The following C3orf18 variants were observed in gnomAD, a reference collection of about 807,000 sequenced individuals.
C3orf18 encodes uncharacterized protein C3orf18.
C3orf18 carries 12 observed loss-of-function variants against 14.1 expected under a neutral mutation model. The ratio of observed to expected loss-of-function variants is 0.85; its 90% CI spans 0.55 to 1.38. The LOEUF (loss-of-function observed/expected upper bound fraction) is 1.38. Ranked by LOEUF, C3orf18 falls within the 40% of genes most tolerant of loss-of-function variation. C3orf18 has a pLI of 0.00. For synonymous variants in C3orf18, 82 were observed against 87.9 expected, an observed-to-expected ratio of 0.93 and a Z score of 0.38; for missense variants, 196 against 213.9, an observed-to-expected ratio of 0.92 and a Z score of 0.52.
At chr3:50,561,176 G>C in intron 4 of C3orf18, 112 bp from the exon 5 acceptor site, 1 of 1,189,188 alleles carries the variant, frequency 8.4e-7, no homozygotes, top group South Asian at 1.5e-5. Context: ...CATGCTTAGG[G>C]CCTTAAGGTT....
Position 50,565,441 on chromosome 3 carries a change from T to C in C3orf18, c.234+25A>G, listed in dbSNP as rs1700232522. 1 of 1,529,918 alleles carries C rather than the reference T, an allele frequency of 6.5e-7. No homozygotes were observed. Among genetic ancestry groups the C allele is most frequent in the Non-Finnish European group, 9.0e-7 (1 of 1,105,310 alleles). 94.8% of individuals were successfully genotyped at this position (1,529,918 alleles called of 1,614,324 possible). A position where few individuals can be genotyped will look rare whatever the true frequency, so the allele number is the denominator to read the frequency against. On this transcript the variant is annotated intron_variant, in intron 3 of 5. Transcript: ENST00000357203. This position sits in a 1 kb window ranked among gnomAD's most constrained non-coding sequence, Gnocchi z 4.4. ...CTATAAATCTAAACACTGATTATCC[T>C]CCCCCAGCCTACCCCAGCTCTCACC... is the stretch of plus-strand genomic sequence containing the variant.
At position 50,559,308 on chromosome 3, in the gene C3orf18, G is replaced by A. The variant is rs753609708; in HGVS notation, c.*349C>T. 1.3e-4 allele frequency: 162 copies of A among 1,247,912 alleles called. No homozygotes were observed. Among genetic ancestry groups the A allele is most frequent in the Non-Finnish European group, 1.5e-4 (150 of 978,048 alleles). 77.3% of individuals were successfully genotyped at this position (1,247,912 alleles called of 1,614,324 possible). A position where few individuals can be genotyped will look rare whatever the true frequency, so the allele number is the denominator to read the frequency against. The stretch of plus-strand genomic sequence containing the variant: ...TTCCTCCCCCAATCCCTCCCACTCC[G>A]TATCTCCCTCATTTCCTCCACATTA... On this transcript the variant is annotated 3_prime_UTR_variant, in exon 6 of 6. Coordinates refer to ENST00000357203, the MANE Select transcript of C3orf18 (RefSeq NM_016210.5).
upstream of C3orf18, chr3:50,571,830 A>G (rs771812173): frequency 6.3e-7 from 1 of 1,590,010 alleles, no homozygotes; most frequent in South Asian, 1.1e-5. Context: ...GACCTGAAGG[A>G]TGTGTTCAGG....
chr3:50,572,272 C>A, upstream of C3orf18: 1 of 1,561,168 alleles, frequency 6.4e-7, no homozygotes, highest in South Asian at 1.2e-5. Context: ...ACCAGTCTTA[C>A]CCCAGGCTTC....
Position 50,559,260 on chromosome 3 carries a change from C to T in C3orf18, c.*397G>A, listed in dbSNP as rs1314505796. 1 of 1,256,314 alleles carries T rather than the reference C, an allele frequency of 8.0e-7. No individual in the cohort carries two copies. Among genetic ancestry groups the T allele is most frequent in the Admixed American group, 2.7e-5 (1 of 37,102 alleles). The allele number at this position is 1,256,314 out of a possible 1,614,324, so 77.8% of individuals were successfully genotyped here. Reference sequence around the variant, plus strand: ...CCAGATTCCAAAAAACAGGTCTCTCCCTAACAGAGGGAAACCTCCCCTTTC... The same window carrying T: ...CCAGATTCCAAAAAACAGGTCTCTCTCTAACAGAGGGAAACCTCCCCTTTC... On this transcript the variant is annotated 3_prime_UTR_variant, in exon 6 of 6. Transcript: ENST00000357203.
chr3:50,573,520 T>C (rs1382566271), upstream of C3orf18, among the ~76,000 whole-genome samples: 2 of 152,222 alleles, frequency 1.3e-5, no homozygotes, highest in Non-Finnish European at 2.9e-5. Context: ...AAGTGTGGAC[T>C]TTGGCTCCCA....
At chr3:50,574,392 T>TA (rs1264726779), upstream of C3orf18, among the ~76,000 whole-genome samples, 5 of 152,174 alleles carry the variant, frequency 3.3e-5, no homozygotes, top group Non-Finnish European at 7.4e-5. Flanking sequence ...TCTGGAGTGT[T>TA]ATGGCAAACA....
chr3:50,568,285 G>A (rs534036838), upstream of C3orf18, among the ~76,000 whole-genome samples: 4 of 152,098 alleles, frequency 2.6e-5, no homozygotes, highest in African/African-American at 9.7e-5. Context: ...TTCCATCCAC[G>A]GCATGATCAG....
At chr3:50,566,235 C>T (rs546914104) in intron 1 of C3orf18, 141 bp from the exon 2 acceptor site, 1 of 152,228 alleles carries the variant, frequency 6.6e-6, no homozygotes, top group Admixed American at 6.5e-5. Flanking sequence ...CATCCCTCAT[C>T]CTGCTTGGGG....
intron 1 of C3orf18, among the ~76,000 whole-genome samples, chr3:50,566,376 T>G (rs904839922): frequency 6.6e-6 from 1 of 152,202 alleles, no homozygotes; most frequent in African/African-American, 2.4e-5. Flanking sequence ...TCTCTGTGTC[T>G]CCGTTTTCCT....
chr3:50,568,024 G>T (rs1700472865), upstream of C3orf18, among the ~76,000 whole-genome samples: 1 of 152,264 alleles, frequency 6.6e-6, no homozygotes, highest in Non-Finnish European at 1.5e-5. Flanking sequence ...AACGCGGATG[G>T]ATGTACAGAG....
At chr3:50,571,669 G>A, upstream of C3orf18, 1 of 1,580,818 alleles carries the variant, frequency 6.3e-7, no homozygotes, top group Non-Finnish European at 8.7e-7. Flanking sequence ...TGGGGGCCTT[G>A]GGCCCAGTGA....
chr3:50,559,704 G>A lies in C3orf18; in HGVS notation c.442C>T (p.Pro148Ser). The change falls in exon 6 of 6, where the codon CCC becomes TCC. Residue 148 changes from proline (P) to serine (S), a missense_variant. Physicochemically the swap from Pro to Ser is moderately conservative, Grantham distance 74. Coordinates refer to ENST00000357203, the MANE Select transcript of C3orf18 (RefSeq NM_016210.5). ...ACATCGGTAAACACCAGCCGGCTGGGTCTCTGCAGTGGGCCCTGGGAGGGC... is the reference window on the plus strand; with the variant it reads ...ACATCGGTAAACACCAGCCGGCTGGATCTCTGCAGTGGGCCCTGGGAGGGC... ...TLPSQGPLQR[P>S]SRLVFTDVAN... The A allele has an allele frequency of 1.3e-6, 2 of 1,596,390 alleles. No individual in the cohort carries two copies. Among genetic ancestry groups the A allele is most frequent in the South Asian group, 2.3e-5 (2 of 87,790 alleles).
chr3:50,558,839 T>C lies in C3orf18; in HGVS notation c.*818A>G. Reference sequence around the variant, plus strand: ...TACATACCATGGGGTAGAGGTCGACTTGGAGGGTGGGGCCAGTGTGGACAA... The same window carrying C: ...TACATACCATGGGGTAGAGGTCGACCTGGAGGGTGGGGCCAGTGTGGACAA... On this transcript the variant is annotated 3_prime_UTR_variant, in exon 6 of 6. Coordinates refer to ENST00000357203, the MANE Select transcript of C3orf18 (RefSeq NM_016210.5). The C allele has an allele frequency of 7.8e-7, 1 of 1,289,830 alleles. No individual in the cohort carries two copies. Among genetic ancestry groups the C allele is most frequent in the East Asian group, 5.6e-5 (1 of 18,014 alleles). The allele number at this position is 1,289,830 out of a possible 1,614,324, so 79.9% of individuals were successfully genotyped here.
chr3:50,572,060 G>A (rs752525329), upstream of C3orf18: 7 of 1,609,272 alleles, frequency 4.3e-6, no homozygotes, highest in Non-Finnish European at 5.9e-6. Flanking sequence ...ACCCAGGCAT[G>A]GTCCTGTTGG....
At position 50,559,292 on chromosome 3, in the gene C3orf18, C is replaced by G. The variant is rs529051315; in HGVS notation, c.*365G>C. 5 of 1,246,908 alleles carry G rather than the reference C, an allele frequency of 4.0e-6. No homozygotes were observed. The highest frequency in any genetic ancestry group is 5.1e-6 in the Non-Finnish European group (5 of 974,876). 77.2% of individuals were successfully genotyped at this position (1,246,908 alleles called of 1,614,324 possible). ...GAGGGAAACCTCCCCTTTCCTCCCCCAATCCCTCCCACTCCGTATCTCCCT... is the reference window on the plus strand; with the variant it reads ...GAGGGAAACCTCCCCTTTCCTCCCCGAATCCCTCCCACTCCGTATCTCCCT... On this transcript the variant is annotated 3_prime_UTR_variant, in exon 6 of 6. Coordinates refer to ENST00000357203, the MANE Select transcript of C3orf18 (RefSeq NM_016210.5).
At chr3:50,563,667 G>A (rs916780382) in intron 3 of C3orf18, among the ~76,000 whole-genome samples, 2 of 152,130 alleles carry the variant, frequency 1.3e-5, no homozygotes, top group African/African-American at 2.4e-5. Context: ...GCATCGGGGA[G>A]AGGAAGCAGC....
At chr3:50,571,192 CA>C, upstream of C3orf18, 3 of 1,613,774 alleles carry the variant, frequency 1.9e-6, no homozygotes, top group South Asian at 3.3e-5. Context: ...CAGCTCATGG[CA>C]ACCCCAACCA....
intron 4 of C3orf18, among the ~76,000 whole-genome samples, chr3:50,561,484 G>C (rs1263225154): frequency 6.6e-6 from 1 of 152,170 alleles, no homozygotes; most frequent in Non-Finnish European, 1.5e-5. Context: ...GCCATCCCCA[G>C]TCCCAGGATT....
Sources: gnomAD v4.1 joint callset for allele counts (sites outside exome capture counted in the v4.1 genomes callset) on GRCh38, gnomAD v4.1.1 for gene constraint, Gnocchi (gnomAD v3.1) non-coding constraint, MANE v1.5 for transcripts, NCBI Gene and HGNC (gene_info 2026-07-23, HGNC 2026-07-21) for gene names.